ASPRV1: variants seen among roughly 807,000 people sequenced by gnomAD.
The protein encoded by ASPRV1 is aspartic peptidase retroviral like 1.
Under a neutral mutation model 11.0 loss-of-function variants are expected in ASPRV1, and 7 were observed. The observed-to-expected ratio is 0.64, with a 90% CI of 0.36 to 1.20. The LOEUF (loss-of-function observed/expected upper bound fraction) is 1.20, where lower values mean the gene tolerates loss of function less well. Ranked by LOEUF, ASPRV1 falls within the 50% of genes most tolerant of loss-of-function variation. The pLI, the probability that ASPRV1 is intolerant of heterozygous loss-of-function variation, is 0.02. For missense variants in ASPRV1, 299 were observed against 320.0 expected, an observed-to-expected ratio of 0.93 and a Z score of 0.50; for synonymous variants, 136 against 138.4, an observed-to-expected ratio of 0.98 and a Z score of 0.12.
the ASPRV1 span, among the ~76,000 whole-genome samples, chr2:70,004,174 A>G: frequency 6.6e-6 from 1 of 152,126 alleles, no homozygotes; most frequent in Non-Finnish European, 1.5e-5. Flanking sequence ...CTGTAGCCTG[A>G]AAGTCTGAGA....
downstream of ASPRV1, among the ~76,000 whole-genome samples, chr2:69,959,242 C>T (rs1390277898): frequency 6.6e-6 from 1 of 152,112 alleles, no homozygotes; most frequent in African/African-American, 2.4e-5. Flanking sequence ...GATCCCTGCA[C>T]GTTCGAGTCT....
chr2:70,045,569 TAAAAG>T, the ASPRV1 span: 2 of 152,186 alleles, frequency 1.3e-5, no homozygotes, highest in Non-Finnish European at 2.9e-5. Context: ...ATCACACTGT[TAAAAG>T]GAATGCAATT....
At chr2:70,086,709 G>A in the ASPRV1 span, among the ~76,000 whole-genome samples, 6 of 152,266 alleles carry the variant, frequency 3.9e-5, no homozygotes, top group Admixed American at 1.3e-4. Flanking sequence ...AACGACACAA[G>A]GGCAGGAGGT....
At chr2:70,048,100 T>C in the ASPRV1 span, among the ~76,000 whole-genome samples, 13 of 60,172 alleles carry the variant, frequency 2.2e-4, no homozygotes, top group Admixed American at 2.7e-4. Flanking sequence ...AGAGCGAGAC[T>C]CCATCTCAAA....
the ASPRV1 span, among the ~76,000 whole-genome samples, chr2:70,060,503 C>A: frequency 1.3e-5 from 2 of 152,102 alleles, no homozygotes; most frequent in Non-Finnish European, 2.9e-5. Context: ...GGCAACAATA[C>A]ATACAAAGGG....
chr2:70,010,359 G>A, the ASPRV1 span, among the ~76,000 whole-genome samples: 2 of 152,142 alleles, frequency 1.3e-5, no homozygotes, highest in African/African-American at 2.4e-5. Context: ...AACAGCTGAC[G>A]TGGGGTGATT....
the ASPRV1 span, among the ~76,000 whole-genome samples, chr2:70,007,941 T>A: frequency 6.6e-6 from 1 of 152,120 alleles, no homozygotes. Flanking sequence ...GTTCATGCAA[T>A]TCTCGTGCCT....
At chr2:69,995,768 G>A in the ASPRV1 span, among the ~76,000 whole-genome samples, 1 of 152,172 alleles carries the variant, frequency 6.6e-6, no homozygotes, top group Non-Finnish European at 1.5e-5. Flanking sequence ...AGCCTGGAGA[G>A]GCCTGGGAGG....
At chr2:69,972,661 G>A in the ASPRV1 span, among the ~76,000 whole-genome samples, 3 of 151,900 alleles carry the variant, frequency 2.0e-5, no homozygotes, top group Non-Finnish European at 2.9e-5. Context: ...CGGGCCTGCC[G>A]TCCTCTCGGT....
chr2:70,046,220 T>C, the ASPRV1 span: 1 of 152,120 alleles, frequency 6.6e-6, no homozygotes, highest in African/African-American at 2.4e-5. Flanking sequence ...CCCTAGGAGG[T>C]TTCCAACACT....
the ASPRV1 span, among the ~76,000 whole-genome samples, chr2:70,021,050 C>T: frequency 6.6e-6 from 1 of 152,106 alleles, no homozygotes; most frequent in Admixed American, 6.5e-5. Context: ...AGCTGTATGT[C>T]CACTGAAGAA....
At chr2:69,972,228 A>AT in the ASPRV1 span, among the ~76,000 whole-genome samples, 1 of 146,054 alleles carries the variant, frequency 6.8e-6, no homozygotes, top group East Asian at 2.0e-4. Context: ...CGCCTGGCTA[A>AT]TTTTTTGTAT....
At chr2:70,032,444 A>C in the ASPRV1 span, among the ~76,000 whole-genome samples, 1 of 151,536 alleles carries the variant, frequency 6.6e-6, no homozygotes, top group East Asian at 1.9e-4. Flanking sequence ...CTGCTTGAGC[A>C]CCAGAAGTTC....
At chr2:70,084,593 T>A in the ASPRV1 span, among the ~76,000 whole-genome samples, 1 of 152,242 alleles carries the variant, frequency 6.6e-6, no homozygotes, top group African/African-American at 2.4e-5. Context: ...GGTCACAACT[T>A]ATTAATGGGT....
the ASPRV1 span, among the ~76,000 whole-genome samples, chr2:69,971,693 G>C: frequency 6.6e-6 from 1 of 152,242 alleles, no homozygotes; most frequent in African/African-American, 2.4e-5. Context: ...ATGTGAGGCG[G>C]CTTTGCCAGC....
chr2:70,050,003 G>T, the ASPRV1 span: 1 of 152,220 alleles, frequency 6.6e-6, no homozygotes, highest in African/African-American at 2.4e-5. Context: ...AAAATACAAG[G>T]CTGGGCGCAG....
chr2:70,039,120 T>G, the ASPRV1 span, among the ~76,000 whole-genome samples: 1 of 150,272 alleles, frequency 6.7e-6, no homozygotes, highest in Admixed American at 6.6e-5. Flanking sequence ...GTGGGTGATA[T>G]GAATAATGAC....
the ASPRV1 span, among the ~76,000 whole-genome samples, chr2:70,041,069 T>C: frequency 6.6e-6 from 1 of 152,200 alleles, no homozygotes; most frequent in Non-Finnish European, 1.5e-5. Flanking sequence ...CGGAGAATGC[T>C]GCTTACTGGA....
At chr2:70,057,375 TTTC>T in the ASPRV1 span, among the ~76,000 whole-genome samples, 35 of 152,284 alleles carry the variant, frequency 2.3e-4, no homozygotes, top group African/African-American at 8.4e-4. Flanking sequence ...ATTTTGCACT[TTTC>T]TTTAGTTTTC....
Sources: gnomAD v4.1 joint callset for allele counts (sites outside exome capture counted in the v4.1 genomes callset) on GRCh38, gnomAD v4.1.1 for gene constraint, MANE v1.5 for transcripts, NCBI Gene and HGNC (gene_info 2026-07-23, HGNC 2026-07-21) for gene names.